BRDT: variants seen among roughly 807,000 people sequenced by gnomAD.
BRDT encodes the protein bromodomain testis associated.
BRDT carries 77 observed loss-of-function variants against 113.9 expected under a neutral mutation model. That is an observed-to-expected ratio of 0.68 (90% CI 0.56 to 0.82). The LOEUF is 0.82. BRDT is among the 40% of genes least tolerant of loss of function. BRDT has a pLI of 0.00. For synonymous variants in BRDT, 358 were observed against 366.5 expected (o/e 0.98, Z 0.26); for missense variants, 1,027 against 1,105.4 (o/e 0.93, Z 1.01).
chr1:91,952,777 CAAAAA>C (rs66618367), intron 1 of BRDT, among the ~76,000 whole-genome samples: 44 of 74,868 alleles, frequency 5.9e-4, no homozygotes, highest in Non-Finnish European at 1.0e-3. Context: ...GACCCATCTC[CAAAAA>C]AAAAAAAAAA....
rs150379235 is a variant in BRDT, at chr1:91,976,438, A to G, written c.618A>G (p.Gln206=). Residue 206 remains glutamine, a splice_region_variant and synonymous_variant, in exon 5 of 19, where the codon CAA becomes CAG. Transcript: ENST00000399546. ...SVNSSSQTAA[Q]VTKGVKRKAD... ...ACTCCAGTTCACAAACTGCGGCCCA[A>G]GTAAGTTTGTTGTAGTTTTTAAATC... 250 of 1,537,420 alleles carry G rather than the reference A, an allele frequency of 1.6e-4. No homozygotes were observed. The highest frequency in any genetic ancestry group is 1.9e-4 in the Non-Finnish European group (214 of 1,147,490).
intron 1 of BRDT, among the ~76,000 whole-genome samples, chr1:91,960,695 G>A (rs190362065): frequency 7.2e-4 from 109 of 152,248 alleles, no homozygotes; most frequent in African/African-American, 2.2e-3. Flanking sequence ...TATGTTTTAC[G>A]CCACAGTTCA....
chr1:91,991,469 A>G (rs563370152), intron 13 of BRDT, among the ~76,000 whole-genome samples: 24 of 152,344 alleles, frequency 1.6e-4, no homozygotes, highest in African/African-American at 5.3e-4. Flanking sequence ...TGTAAGCCAA[A>G]TGGATAAGTA....
intron 12 of BRDT, among the ~76,000 whole-genome samples, chr1:91,988,496 G>A (rs1353178931): frequency 6.6e-6 from 1 of 151,896 alleles, no homozygotes; most frequent in African/African-American, 2.4e-5. Flanking sequence ...TGCCTCCCAG[G>A]TTCAAGTGAT....
chr1:92,007,053 T>C (rs574609543), intron 18 of BRDT, among the ~76,000 whole-genome samples: 8 of 152,274 alleles, frequency 5.3e-5, no homozygotes, highest in African/African-American at 1.9e-4. Context: ...CCTCCCAAAG[T>C]GTTAGGATGA....
At chr1:91,959,030 CAGTA>C (rs1284859536) in intron 1 of BRDT, among the ~76,000 whole-genome samples, 1 of 151,922 alleles carries the variant, frequency 6.6e-6, no homozygotes. Context: ...GCCTGGGAGA[CAGTA>C]AGACCCTGAC....
intron 15 of BRDT, among the ~76,000 whole-genome samples, chr1:91,997,500 T>C (rs1686453882): frequency 6.6e-6 from 1 of 152,216 alleles, no homozygotes; most frequent in African/African-American, 2.4e-5. Context: ...AACTAGAGTA[T>C]GTTTTATAAG....
intron 16 of BRDT, 87 bp downstream of exon 16, chr1:92,002,236 AC>A: frequency 1.1e-6 from 1 of 899,772 alleles, no homozygotes; most frequent in Non-Finnish European, 1.7e-6. Context: ...AAAAGCCCTG[AC>A]TTAAATGAAA....
intron 18 of BRDT, among the ~76,000 whole-genome samples, chr1:92,009,576 G>A (rs1354529616): frequency 6.0e-5 from 6 of 100,556 alleles, no homozygotes; most frequent in African/African-American, 7.6e-5. Context: ...TCTTGACACA[G>A]TCTCACTCTG....
chr1:91,952,649 C>T (rs1681224896), intron 1 of BRDT, among the ~76,000 whole-genome samples: 1 of 151,836 alleles, frequency 6.6e-6, no homozygotes, highest in African/African-American at 2.4e-5. Context: ...GTTGAAGATA[C>T]AGAAAAGATA....
intron 12 of BRDT, among the ~76,000 whole-genome samples, chr1:91,986,652 T>A (rs12569167): frequency 0.11 from 16,225 of 152,198 alleles, 1,332 homozygotes; most frequent in East Asian, 0.4. Flanking sequence ...TTTCTTTTTT[T>A]AAAAAACTTT....
chr1:91,963,396 G>GA (rs1682710609), intron 2 of BRDT, among the ~76,000 whole-genome samples: 1 of 152,006 alleles, frequency 6.6e-6, no homozygotes, highest in Non-Finnish European at 1.5e-5. Context: ...TTTTTTCCAA[G>GA]AAAAAAGCTT....
intron 1 of BRDT, among the ~76,000 whole-genome samples, chr1:91,959,419 CTTTTTTTT>C (rs11346071): frequency 2.4e-4 from 27 of 112,810 alleles, no homozygotes; most frequent in Admixed American, 2.0e-3. Context: ...CTTTTTCTTT[CTTTTTTTT>C]TTTTTTTTTA....
intron 1 of BRDT, among the ~76,000 whole-genome samples, chr1:91,954,344 A>G (rs554217904): frequency 8.5e-5 from 12 of 141,496 alleles, no homozygotes; most frequent in Admixed American, 2.3e-4. Flanking sequence ...CATTGGTGCA[A>G]TCATGGCTCA....
intron 12 of BRDT, among the ~76,000 whole-genome samples, chr1:91,988,754 T>C (rs2101723374): frequency 6.6e-6 from 1 of 152,254 alleles, no homozygotes; most frequent in Non-Finnish European, 1.5e-5. Context: ...TCTTCACTAA[T>C]TGAAATATGG....
chr1:91,971,943 A>G (rs146399248), intron 4 of BRDT, among the ~76,000 whole-genome samples: 80 of 152,014 alleles, frequency 5.3e-4, no homozygotes, highest in African/African-American at 1.8e-3. Flanking sequence ...ATTACCCTAT[A>G]AACTTGCTCT....
chr1:91,966,117 A>C (rs895268558), intron 3 of BRDT, among the ~76,000 whole-genome samples: 1 of 152,092 alleles, frequency 6.6e-6, no homozygotes, highest in African/African-American at 2.4e-5. Flanking sequence ...CTTAATCTTC[A>C]TATTGGCTCT....
Position 91,979,553 on chromosome 1 carries a change from T to G in BRDT, c.1099-16T>G, listed in dbSNP as rs1218719377. On this transcript the variant is annotated splice_polypyrimidine_tract_variant and intron_variant, in intron 7 of 18. Transcript: ENST00000399546. ...AAAAATACAGAAAACCATAACAAAC[T>G]AATTTTTCATTACAGGATGTTTTCG... is the stretch of plus-strand genomic sequence containing the variant. 6.3e-7 allele frequency: 1 copy of G among 1,598,072 alleles called. No individual in the cohort carries two copies. The highest frequency in any genetic ancestry group is 2.2e-5 in the East Asian group (1 of 44,800).
At chr1:91,984,933 T>C (rs1570558627) in intron 12 of BRDT, among the ~76,000 whole-genome samples, 1 of 149,874 alleles carries the variant, frequency 6.7e-6, no homozygotes, top group African/African-American at 2.5e-5. Flanking sequence ...GCCACCATGC[T>C]TGGCCCATAA....
Sources: allele counts gnomAD v4.1 joint callset (sites outside exome capture counted in the v4.1 genomes callset), GRCh38; gene constraint gnomAD v4.1.1; transcripts MANE v1.5; gene names NCBI Gene and HGNC (gene_info 2026-07-23, HGNC 2026-07-21).